PKHD1L1: variants seen among roughly 807,000 people sequenced by gnomAD.
The protein encoded by PKHD1L1 is fibrocystin-L.
A neutral mutation model predicts 462.9 loss-of-function variants in PKHD1L1; 434 were observed. The observed-to-expected ratio is 0.94, with a 90% CI of 0.87 to 1.02. The LOEUF (loss-of-function observed/expected upper bound fraction) is 1.02. Ranked by LOEUF, PKHD1L1 falls within the 50% of genes least tolerant of loss-of-function variation. PKHD1L1 has a pLI of 0.00. For missense variants in PKHD1L1, 5,202 were observed against 5,096.1 expected, an observed-to-expected ratio of 1.02 and a Z score of -0.63; for synonymous variants, 1,781 against 1,750.0, an observed-to-expected ratio of 1.02 and a Z score of -0.44.
At chr8:109,423,992 A>G (rs1347935307) in intron 23 of PKHD1L1, among the ~76,000 whole-genome samples, 3 of 152,068 alleles carry the variant, frequency 2.0e-5, no homozygotes, top group Non-Finnish European at 4.4e-5. Context: ...TTGTGTCTTT[A>G]TCTTGTATCT....
In PKHD1L1 at chr8:109,442,117, A is replaced by T. The variant is rs1815828867; in HGVS notation, c.4315A>T (p.Ile1439Phe). 2 of 1,613,240 alleles carry T rather than the reference A, an allele frequency of 1.2e-6. No homozygotes were observed. Among genetic ancestry groups the T allele is most frequent in the Admixed American group, 3.3e-5 (2 of 59,916 alleles). Reference sequence around the variant, plus strand: ...GTTTCTTAGAGGGATAGGATATAGGATTTTTTCTGTCTCCAGTCCTGGAAG... The same window carrying T: ...GTTTCTTAGAGGGATAGGATATAGGTTTTTTTCTGTCTCCAGTCCTGGAAG... Reference protein sequence around the residue: ...HPFLRGIGYRIFSVSSPGSVI... With the variant: ...HPFLRGIGYRFFSVSSPGSVI... The change falls in exon 35 of 78, where the codon ATT becomes TTT. Residue 1439 changes from isoleucine to phenylalanine, a missense_variant. Physicochemically the swap from Ile to Phe is conservative, Grantham distance 21 (BLOSUM62 0). This residue lies in a region of PKHD1L1 where 4,497 missense variants were observed against 4,336.8 expected (regional missense o/e 1.04). Coordinates refer to ENST00000378402, the MANE Select transcript of PKHD1L1 (RefSeq NM_177531.6).
chr8:109,407,949 T>C lies in PKHD1L1; in HGVS notation c.1814-100T>C, dbSNP rs1008745903. 3.8e-6 allele frequency: 3 copies of C among 783,344 alleles called. No homozygotes were observed. The South Asian group carries it at 1.9e-4, about 49-fold the overall frequency. The allele number at this position is 783,344 out of a possible 1,614,324, so 48.5% of individuals were successfully genotyped here. A position where few individuals can be genotyped will look rare whatever the true frequency, so the allele number is the denominator to read the frequency against. ...GAGCACCAAATGAAACCAATTTGGC[T>C]ACATTTGAGTGTCTATTAAATATAT... On this transcript the variant is annotated intron_variant, in intron 17 of 77. Coordinates refer to ENST00000378402, the MANE Select transcript of PKHD1L1 (RefSeq NM_177531.6).
Position 109,381,467 on chromosome 8 carries a change from T to A in PKHD1L1, c.261T>A (p.Asp87Glu). Residue 87 changes from aspartate to glutamate, a missense_variant, in exon 3 of 78, where the codon GAT (aspartate) becomes GAA (glutamate). By Grantham distance (45) the Asp-to-Glu change is conservative. Transcript: ENST00000378402. ...CTTCTTTCCAGTCAATTACTTGTGA[T>A]GTAGAAAAAGATGCAAGTCATTCAA... ...LISSFQSITC[D>E]VEKDASHSTQ... 2.5e-6 allele frequency: 4 copies of A among 1,584,636 alleles called. No homozygotes were observed. Among genetic ancestry groups the A allele is most frequent in the Non-Finnish European group, 3.4e-6 (4 of 1,162,934 alleles).
Position 109,425,243 on chromosome 8 carries a change from A to G in PKHD1L1, c.2845+11A>G. On this transcript the variant is annotated intron_variant, in intron 24 of 77. Coordinates refer to ENST00000378402, the MANE Select transcript of PKHD1L1 (RefSeq NM_177531.6). ...GACATATTCTTAAAGGTATATGAAA[A>G]AAATTTAAAATATTGGTGTATACGC... 3 of 1,561,878 alleles carry G rather than the reference A, an allele frequency of 1.9e-6. No individual in the cohort carries two copies. Among genetic ancestry groups the G allele is most frequent in the Non-Finnish European group, 2.6e-6 (3 of 1,159,814 alleles).
Position 109,467,181 on chromosome 8 carries a change from C to T in PKHD1L1, c.8605+412C>T, listed in dbSNP as rs960278685. ...GGATTGTGGATTTACTGATTTGTTC[C>T]GGTAAAGGTACAATACCTGGAACAC... On this transcript the variant is annotated intron_variant, in intron 50 of 77. Transcript: ENST00000378402. 2.8e-4 allele frequency among the ~76,000 whole-genome samples: 42 copies of T among 152,002 alleles called. 2 individuals are homozygous for T. The highest frequency in any genetic ancestry group is 2.2e-3 in the Admixed American group (34 of 15,232).
intron 49 of PKHD1L1, among the ~76,000 whole-genome samples, 182 bp downstream of exon 49, chr8:109,465,427 C>G (rs1277062512): frequency 2.0e-5 from 3 of 152,114 alleles, no homozygotes; most frequent in Non-Finnish European, 4.4e-5. Context: ...TCTGGAAGAG[C>G]CCCAATCTGT....
rs368082575 is a variant in PKHD1L1, at chr8:109,515,403, A to G, written c.11689+98A>G. On this transcript the variant is annotated intron_variant, in intron 72 of 77. Coordinates refer to ENST00000378402, the MANE Select transcript of PKHD1L1 (RefSeq NM_177531.6). ...AGTATTTTTAATTCCTTATCTATCA[A>G]TGATGGAGAAGAAAACAAGTTTTTA... is the stretch of plus-strand genomic sequence containing the variant. 1,690 of 937,772 alleles carry G rather than the reference A, an allele frequency of 1.8e-3. 23 individuals are homozygous for G. In the African/African-American group the frequency reaches 0.03, roughly 17 times the overall value. 58.1% of individuals were successfully genotyped at this position (937,772 alleles called of 1,614,324 possible). A position where few individuals can be genotyped will look rare whatever the true frequency, so the allele number is the denominator to read the frequency against.
intron 58 of PKHD1L1, 44 bp from the exon 59 acceptor site, chr8:109,486,604 T>A: frequency 6.4e-7 from 1 of 1,574,546 alleles, no homozygotes; most frequent in East Asian, 2.3e-5. Flanking sequence ...TAAAGACAGA[T>A]ACTTCTCAGC....
At chr8:109,522,063 A>G (rs1430464855) in intron 73 of PKHD1L1, 123 bp from the exon 74 acceptor site, 1 of 955,130 alleles carries the variant, frequency 1.0e-6, no homozygotes, top group Non-Finnish European at 1.5e-6. Context: ...AGGTAAGACT[A>G]GAAAGCCTTA....
chr8:109,442,189 A>T lies in PKHD1L1; in HGVS notation c.4387A>T (p.Thr1463Ser). The change falls in exon 35 of 78, where the codon ACA becomes TCA. Residue 1463 changes from threonine (T) to serine (S), a missense_variant. Physicochemically the swap from Thr to Ser is moderately conservative, Grantham distance 58. Around this residue, in one of 3 missense-constraint regions of PKHD1L1, gnomAD observed 4,497 missense variants for 4,336.8 expected, o/e 1.04. Coordinates refer to ENST00000378402, the MANE Select transcript of PKHD1L1 (RefSeq NM_177531.6). ...ATTCACAAGTGGAAGACAAAAATCTACATCAGGTATGTTTCTGCTTATTGG... is the reference window on the plus strand; with the variant it reads ...ATTCACAAGTGGAAGACAAAAATCTTCATCAGGTATGTTTCTGCTTATTGG... ...KGFTSGRQKS[T>S]SGSFSYQFTS... The T allele has an allele frequency of 6.2e-7, 1 of 1,609,546 alleles. No individual in the cohort carries two copies.
rs1338009795 is a variant in PKHD1L1 at position 109,413,458 on chromosome 8, T to C, written c.2273T>C (p.Ile758Thr). 1.1e-5 allele frequency: 18 copies of C among 1,576,198 alleles called. No individual in the cohort carries two copies. The highest frequency in any genetic ancestry group is 1.5e-5 in the Non-Finnish European group (17 of 1,157,522). ...TACAAAGGATTCCTGGCAAATTATA[T>C]TGGTCTAAAATTTCAGTACCAAGAC... Reference protein sequence around the residue: ...LAYKGFLANYIGLKFQYQDNS... With the variant: ...LAYKGFLANYTGLKFQYQDNS... The change falls in exon 21 of 78, where the codon ATT (isoleucine) becomes ACT (threonine). Residue 758 changes from isoleucine to threonine, a missense_variant. Coordinates refer to ENST00000378402, the MANE Select transcript of PKHD1L1 (RefSeq NM_177531.6).
chr8:109,491,441 T>C (rs1209344273), intron 61 of PKHD1L1, among the ~76,000 whole-genome samples: 1 of 151,912 alleles, frequency 6.6e-6, no homozygotes, highest in Non-Finnish European at 1.5e-5. Flanking sequence ...CATTCTTACA[T>C]GAGTTATCTA....
chr8:109,410,553 G>A lies in PKHD1L1; in HGVS notation c.2085+575G>A, dbSNP rs138991771. On this transcript the variant is annotated intron_variant, in intron 19 of 77. Coordinates refer to ENST00000378402, the MANE Select transcript of PKHD1L1 (RefSeq NM_177531.6). ...CACTCACTATCATGAGAACAGCACCGATGGGATGGTGCTAAGCCATTCATG... is the reference window on the plus strand; with the variant it reads ...CACTCACTATCATGAGAACAGCACCAATGGGATGGTGCTAAGCCATTCATG... Among the ~76,000 whole-genome samples, 9 of 151,994 alleles carry A rather than the reference G, an allele frequency of 5.9e-5. No homozygotes were observed. The South Asian group carries it at 1.0e-3, about 18-fold the overall frequency.
At chr8:109,413,117 G>A (rs1366545258) in intron 20 of PKHD1L1, among the ~76,000 whole-genome samples, 6 of 152,038 alleles carry the variant, frequency 3.9e-5, no homozygotes, top group African/African-American at 1.4e-4. Context: ...GTAGCTTAGA[G>A]TTAGTACATA....
intron 31 of PKHD1L1, 108 bp downstream of exon 31, chr8:109,438,564 A>G: frequency 9.7e-7 from 1 of 1,035,946 alleles, no homozygotes; most frequent in Non-Finnish European, 1.4e-6. Flanking sequence ...TTAAAGTGAA[A>G]CCAGTTATAG....
At chr8:109,385,473 C>A in intron 5 of PKHD1L1, 64 bp from the exon 6 acceptor site, 2 of 1,015,106 alleles carry the variant, frequency 2.0e-6, no homozygotes, top group Non-Finnish European at 2.9e-6. Context: ...CTTATGTTTT[C>A]GTATTAAGTG....
At chr8:109,448,001 A>T in intron 38 of PKHD1L1, 142 bp from the exon 39 acceptor site, 1 of 704,882 alleles carries the variant, frequency 1.4e-6, no homozygotes, top group African/African-American at 1.8e-5. Context: ...GTATTGTATG[A>T]CATAGCATGT....
chr8:109,392,951 T>C (rs1812782473), intron 9 of PKHD1L1, among the ~76,000 whole-genome samples: 1 of 152,174 alleles, frequency 6.6e-6, no homozygotes. Flanking sequence ...TGCCTAGTCA[T>C]TATCAATGAA....
rs1211634495 is a variant in PKHD1L1, at chr8:109,523,325, T to C, written c.12423T>C (p.Asn4141=). The C allele has an allele frequency of 6.2e-7, 1 of 1,612,912 alleles. No homozygotes were observed. The part of the protein sequence containing the change: ...NNNQVNGLSG[N]TTIPFSSCWA... ...ACCAAGTCAATGGCCTTAGTGGAAA[T>C]ACAACAATTCCGTTTAGCAGCTGTT... is the stretch of plus-strand genomic sequence containing the variant. Residue 4141 remains asparagine (N), a synonymous_variant, in exon 76 of 78, where the codon AAT becomes AAC. Coordinates refer to ENST00000378402, the MANE Select transcript of PKHD1L1 (RefSeq NM_177531.6).
Sources: allele counts gnomAD v4.1 joint callset (sites outside exome capture counted in the v4.1 genomes callset), GRCh38; gene constraint gnomAD v4.1.1; regional missense constraint gnomAD v4.1.1; transcripts MANE v1.5; gene names NCBI Gene and HGNC (gene_info 2026-07-23, HGNC 2026-07-21).